SNX13: variants seen among roughly 807,000 people sequenced by gnomAD.
The protein encoded by SNX13 is sorting nexin-13.
SNX13 carries 45 observed loss-of-function variants against 133.6 expected under a neutral mutation model. The observed-to-expected ratio is 0.34, with a 90% CI of 0.27 to 0.43. The LOEUF (loss-of-function observed/expected upper bound fraction) is 0.43, where lower values mean the gene tolerates loss of function less well. Ranked by LOEUF, SNX13 falls within the 20% of genes least tolerant of loss-of-function variation. The probability of loss-of-function intolerance (pLI) is 1.00; values close to 1 mark genes in which losing one functional copy is unlikely to be tolerated. For missense variants in SNX13, 1,032 were observed against 1,145.1 expected, an observed-to-expected ratio of 0.90 and a Z score of 1.43; for synonymous variants, 414 against 373.9, an observed-to-expected ratio of 1.11 and a Z score of -1.24.
intron 7 of SNX13, among the ~76,000 whole-genome samples, chr7:17,873,897 T>G (rs536838084): frequency 6.6e-6 from 1 of 152,320 alleles, no homozygotes; most frequent in Admixed American, 6.5e-5. Flanking sequence ...CCAAAATAGT[T>G]TTAGATGGAC....
intron 20 of SNX13, among the ~76,000 whole-genome samples, chr7:17,812,223 T>C (rs1053751066): frequency 2.0e-5 from 3 of 151,948 alleles, no homozygotes; most frequent in Non-Finnish European, 2.9e-5. Context: ...AACCTACAGA[T>C]TGGGAGAAAA....
At chr7:17,842,134 C>A (rs1789976839) in intron 12 of SNX13, among the ~76,000 whole-genome samples, 1 of 151,966 alleles carries the variant, frequency 6.6e-6, no homozygotes, top group Non-Finnish European at 1.5e-5. Context: ...AAAAGCTCAA[C>A]AATCTCCAAC....
intron 13 of SNX13, among the ~76,000 whole-genome samples, chr7:17,835,066 G>A (rs1788981793): frequency 6.6e-6 from 1 of 151,750 alleles, no homozygotes; most frequent in Non-Finnish European, 1.5e-5. Flanking sequence ...CTCATAGCAG[G>A]CTGGCAAACA....
At chr7:17,880,358 T>C (rs1795200441) in intron 5 of SNX13, 1 of 152,236 alleles carries the variant, frequency 6.6e-6, no homozygotes, top group Admixed American at 6.5e-5. Context: ...AGAAACTACC[T>C]TGTCATATTC....
rs141772660 is a variant in SNX13, at chr7:17,860,886, G to A, written c.837+7521C>T. ...GCTTTGTAATAGGTTTTGAAATCAG[G>A]AAGGGTGAGGTGCAAAGAAATATCA... On this transcript the variant is annotated intron_variant, in intron 9 of 25. Coordinates refer to ENST00000428135, the MANE Select transcript of SNX13 (RefSeq NM_015132.5). Among the ~76,000 whole-genome samples the A allele has an allele frequency of 4.0e-3, 603 of 152,312 alleles. 8 individuals carry two copies. Among genetic ancestry groups the A allele is most frequent in the African/African-American group, 0.014 (569 of 41,554 alleles).
At chr7:17,848,168 C>T (rs1207907286) in intron 11 of SNX13, among the ~76,000 whole-genome samples, 1 of 152,118 alleles carries the variant, frequency 6.6e-6, no homozygotes, top group African/African-American at 2.4e-5. Flanking sequence ...AGAAGCGGCT[C>T]AACTTCAGAG....
In SNX13 at chr7:17,790,816, T is replaced by C. The variant is rs1166763594; in HGVS notation, c.*3229A>G. On this transcript the variant is annotated 3_prime_UTR_variant, in exon 26 of 26. Transcript: ENST00000428135. ...ATGGACAGAACACAAACCAAATAAA[T>C]TTTTTAATCCTTTTAGTTGAATAAA... 6 of 152,102 alleles carry C rather than the reference T, an allele frequency of 3.9e-5. No homozygotes were observed. The highest frequency in any genetic ancestry group is 3.9e-4 in the Admixed American group (6 of 15,254). The allele number at this position is 152,102 out of a possible 1,614,324, so 9.4% of individuals were successfully genotyped here.
chr7:17,894,373 T>A (rs900004303), intron 2 of SNX13, among the ~76,000 whole-genome samples: 13 of 151,614 alleles, frequency 8.6e-5, no homozygotes, highest in Admixed American at 8.5e-4. Context: ...GACAAATGAA[T>A]CTAAATATGT....
At chr7:17,921,624 T>C (rs1467442606) in intron 1 of SNX13, among the ~76,000 whole-genome samples, 1 of 152,182 alleles carries the variant, frequency 6.6e-6, no homozygotes, top group Non-Finnish European at 1.5e-5. Flanking sequence ...GCCCCTGTTG[T>C]TCCTGTATAA....
chr7:17,802,896 A>G (rs201786206), intron 21 of SNX13, among the ~76,000 whole-genome samples: 14 of 151,874 alleles, frequency 9.2e-5, no homozygotes, highest in Middle Eastern at 3.4e-3. Context: ...TAAAAAAAAA[A>G]TCTCCCTGTG....
chr7:17,876,627 G>A (rs1269064841), intron 5 of SNX13, among the ~76,000 whole-genome samples: 1 of 148,054 alleles, frequency 6.8e-6, no homozygotes, highest in Non-Finnish European at 1.5e-5. Flanking sequence ...ACAAGGAAAT[G>A]GTATAAAGAA....
intron 9 of SNX13, among the ~76,000 whole-genome samples, chr7:17,861,776 G>C (rs1320688132): frequency 6.6e-6 from 1 of 152,194 alleles, no homozygotes. Context: ...CAAGATGCCA[G>C]AAGTGGACCA....
intron 17 of SNX13, among the ~76,000 whole-genome samples, chr7:17,822,835 G>T (rs1787451347): frequency 6.6e-6 from 1 of 152,184 alleles, no homozygotes; most frequent in Admixed American, 6.6e-5. Flanking sequence ...TCTGGCTTGA[G>T]ATCTTGCAGT....
chr7:17,927,065 T>G (rs542656502), intron 1 of SNX13, among the ~76,000 whole-genome samples: 2 of 152,198 alleles, frequency 1.3e-5, no homozygotes, highest in East Asian at 3.9e-4. Flanking sequence ...TAAGCAAAGA[T>G]AAAAACTTAT....
intron 17 of SNX13, among the ~76,000 whole-genome samples, chr7:17,822,226 A>G (rs1787376316): frequency 6.6e-6 from 1 of 151,642 alleles, no homozygotes; most frequent in Admixed American, 6.6e-5. Flanking sequence ...GCATTTTCGC[A>G]TTACTTTGCC....
At chr7:17,873,193 T>C (rs1024287557) in intron 8 of SNX13, among the ~76,000 whole-genome samples, 1 of 152,180 alleles carries the variant, frequency 6.6e-6, no homozygotes, top group African/African-American at 2.4e-5. Flanking sequence ...GGGTTTCAGG[T>C]GACCCTTTCA....
intron 1 of SNX13, among the ~76,000 whole-genome samples, chr7:17,934,340 A>T (rs1801782327): frequency 6.6e-6 from 1 of 152,238 alleles, no homozygotes. Context: ...TGAGAACCTC[A>T]TTCAGGGAAA....
chr7:17,938,664 A>G (rs1802393274), intron 1 of SNX13, among the ~76,000 whole-genome samples: 1 of 152,262 alleles, frequency 6.6e-6, no homozygotes, highest in South Asian at 2.1e-4. Context: ...TTGCATTAAA[A>G]TACAGAAGCT....
Position 17,918,509 on chromosome 7 carries a change from T to C in SNX13, c.13-21063A>G, listed in dbSNP as rs74397301. Among the ~76,000 whole-genome samples the C allele has an allele frequency of 7.8e-3, 1,180 of 152,044 alleles. 13 individuals carry two copies. The highest frequency in any genetic ancestry group is 0.027 in the African/African-American group (1,101 of 41,512). On this transcript the variant is annotated intron_variant, in intron 1 of 25. Coordinates refer to ENST00000428135, the MANE Select transcript of SNX13 (RefSeq NM_015132.5). ...TCAAAAGACATACAAGCAGCCAACA[T>C]ATTTTTTAAAATGCTTATGACTAAT... is the stretch of plus-strand genomic sequence containing the variant.
Sources: allele counts gnomAD v4.1 joint callset (sites outside exome capture counted in the v4.1 genomes callset), GRCh38; gene constraint gnomAD v4.1.1; transcripts MANE v1.5; gene names NCBI Gene and HGNC (gene_info 2026-07-23, HGNC 2026-07-21).